The following VSIG10L variants were observed in gnomAD, a reference collection of about 807,000 sequenced individuals.
The protein encoded by VSIG10L is V-set and immunoglobulin domain-containing protein 10-like.
In VSIG10L, 63 loss-of-function variants were observed where a neutral mutation model predicts 67.3. The ratio of observed to expected loss-of-function variants is 0.94; its 90% CI spans 0.76 to 1.15. The LOEUF (loss-of-function observed/expected upper bound fraction) is 1.15, where lower values mean the gene tolerates loss of function less well. Ranked by LOEUF, VSIG10L falls within the 50% of genes most tolerant of loss-of-function variation. The pLI is 0.00. For missense variants in VSIG10L, 1,050 were observed against 1,177.5 expected, an observed-to-expected ratio of 0.89 and a Z score of 1.58; for synonymous variants, 499 against 524.9, an observed-to-expected ratio of 0.95 and a Z score of 0.67.
At chr19:51,334,981 G>A (rs1197975730) in intron 7 of VSIG10L, among the ~76,000 whole-genome samples, 1 of 152,284 alleles carries the variant, frequency 6.6e-6, no homozygotes, top group East Asian at 1.9e-4. Context: ...AAGGAACAAT[G>A]GGAAGGGATG....
Position 51,340,010 on chromosome 19 carries a change from C to T in VSIG10L, c.1474+5G>A. On this transcript the variant is annotated splice_donor_5th_base_variant and intron_variant, in intron 4 of 9. Transcript: ENST00000335624. The surrounding 1 kb of genome is among the most constrained non-coding windows in gnomAD (Gnocchi z 6.3). ...CATTCCCCTACTCCCGCTCCAGCCT[C>T]TCACCCGCCACTGTAAGGTTGAGCA... 1 of 1,394,284 alleles carries T rather than the reference C, an allele frequency of 7.2e-7. No homozygotes were observed. Among genetic ancestry groups the T allele is most frequent in the Non-Finnish European group, 9.3e-7 (1 of 1,078,476 alleles). The allele number at this position is 1,394,284 out of a possible 1,614,324, so 86.4% of individuals were successfully genotyped here.
rs1378092526 is a variant in VSIG10L, at chr19:51,341,781, C to T, written c.267G>A (p.Met89Ile). The T allele has an allele frequency of 3.9e-6, 6 of 1,551,340 alleles. No individual in the cohort carries two copies. The highest frequency in any genetic ancestry group is 3.6e-5 in the South Asian group (3 of 84,034). ...SWFPEALSSN[M>I]SGSFWSNVSA... ...AAACATTTGACCAGAAGGACCCAGA[C>T]ATGTTGGAACTCAGGGCCTCAGGAA... is the stretch of plus-strand genomic sequence containing the variant. The change falls in exon 2 of 10, where the codon ATG becomes ATA. Residue 89 changes from methionine to isoleucine, a missense_variant. Physicochemically the swap from Met to Ile is conservative, Grantham distance 10 (BLOSUM62 1). Coordinates refer to ENST00000335624, the MANE Select transcript of VSIG10L (RefSeq NM_001163922.3).
In VSIG10L at chr19:51,340,594, A is replaced by G. The variant is rs1466338016; in HGVS notation, c.1028T>C (p.Leu343Pro). The G allele has an allele frequency of 5.9e-6, 9 of 1,535,452 alleles. No homozygotes were observed. The South Asian group carries it at 8.3e-5, about 14-fold the overall frequency. The stretch of plus-strand genomic sequence containing the variant: ...GGCTCCCTCCGATTCCGCCGCCTCC[A>G]GGGCGCGTCCGTCCCGGCTCCAGCT... The part of the protein sequence containing the change: ...ELSWSRDGRA[L>P]EAAESEGAET... Residue 343 changes from leucine to proline, a missense_variant, in exon 3 of 10, where the codon CTG (leucine) becomes CCG (proline). Physicochemically the swap from Leu to Pro is moderately conservative, Grantham distance 98. This residue lies in a region of VSIG10L where 511 missense variants were observed against 557.9 expected (regional missense o/e 0.92). Coordinates refer to ENST00000335624, the MANE Select transcript of VSIG10L (RefSeq NM_001163922.3). This position sits in a 1 kb window ranked among gnomAD's most constrained non-coding sequence, Gnocchi z 6.3.
In VSIG10L at chr19:51,341,445, C is replaced by A; in HGVS notation, c.603G>T (p.Val201=). 1 of 1,539,638 alleles carries A rather than the reference C, an allele frequency of 6.5e-7. No individual in the cohort carries two copies. Among genetic ancestry groups the A allele is most frequent in the Non-Finnish European group, 8.8e-7 (1 of 1,141,052 alleles). The change falls in exon 2 of 10, where the codon GTG becomes GTT. Residue 201 remains valine, a synonymous_variant. Transcript: ENST00000335624. ...FPQQVGGPLA[V]LVGTTIRLPL... is the part of the protein sequence containing the mutation. ...GGAGCCGGATGGTGGTCCCCACCAG[C>A]ACAGCGAGTGGGCCCCCCACCTGCT... is the stretch of plus-strand genomic sequence containing the variant.
At chr19:51,337,040 A>G (rs1226035954) in intron 7 of VSIG10L, among the ~76,000 whole-genome samples, 198 bp downstream of exon 7, 1 of 152,182 alleles carries the variant, frequency 6.6e-6, no homozygotes, top group Non-Finnish European at 1.5e-5. Flanking sequence ...TGCTGGGATT[A>G]CAGGCGTGAG....
chr19:51,338,106 G>C lies in VSIG10L; in HGVS notation c.1832C>G (p.Ala611Gly). Residue 611 changes from alanine (A) to glycine (G), a missense_variant, in exon 6 of 10, where the codon GCA (alanine) becomes GGA (glycine). Coordinates refer to ENST00000335624, the MANE Select transcript of VSIG10L (RefSeq NM_001163922.3). ...GGGCCTCCCTTCCCGGGCCCAGGAT[G>C]CCCGTGAGGGTGGGGGACAACCAGA... ...EASGCPPPSR[A>G]SWAREGRPLA... 6.4e-7 allele frequency: 1 copy of C among 1,550,778 alleles called. No individual in the cohort carries two copies. Among genetic ancestry groups the C allele is most frequent in the South Asian group, 1.2e-5 (1 of 83,998 alleles).
Position 51,337,235 on chromosome 19 carries a change from C to A in VSIG10L, c.2305+3G>T. ...AAGGTCTACTCTGACAGCCCCAACT[C>A]ACCGGCCCGGTAGACCCGGCTTTGT... is the stretch of plus-strand genomic sequence containing the variant. On this transcript the variant is annotated splice_donor_region_variant and intron_variant, in intron 7 of 9. Transcript: ENST00000335624. The A allele has an allele frequency of 6.5e-7, 1 of 1,543,466 alleles. No homozygotes were observed. Among genetic ancestry groups the A allele is most frequent in the Non-Finnish European group, 8.8e-7 (1 of 1,142,156 alleles).
intron 8 of VSIG10L, 45 bp downstream of exon 8, chr19:51,334,146 C>T (rs996485373): frequency 6.5e-7 from 1 of 1,543,842 alleles, no homozygotes; most frequent in Non-Finnish European, 8.8e-7. Context: ...TCTAGGGTCC[C>T]TCCCCGTTGG....
chr19:51,332,513 G>A lies in VSIG10L; in HGVS notation c.*98C>T. 1 of 1,410,260 alleles carries A rather than the reference G, an allele frequency of 7.1e-7. No individual in the cohort carries two copies. Among genetic ancestry groups the A allele is most frequent in the Non-Finnish European group, 9.8e-7 (1 of 1,018,498 alleles). The allele number at this position is 1,410,260 out of a possible 1,614,324, so 87.4% of individuals were successfully genotyped here. On this transcript the variant is annotated 3_prime_UTR_variant, in exon 10 of 10. Transcript: ENST00000335624. ...ATAGCAGGCCCTGGCTGCTGCTGGA[G>A]TGAAATAGGAAGTTCTGGCCCAAAA...
In VSIG10L at chr19:51,340,852, C is replaced by G; in HGVS notation, c.896-126G>C. On this transcript the variant is annotated intron_variant, in intron 2 of 9. Coordinates refer to ENST00000335624, the MANE Select transcript of VSIG10L (RefSeq NM_001163922.3). This position sits in a 1 kb window ranked among gnomAD's most constrained non-coding sequence, Gnocchi z 6.3. ...GTCTCAGCCCCCATCCCTCTCCTCT[C>G]ATAAACCTATGAGTTTGAGCCCCCA... is the stretch of plus-strand genomic sequence containing the variant. 8.0e-7 allele frequency: 1 copy of G among 1,244,760 alleles called. No individual in the cohort carries two copies. The highest frequency in any genetic ancestry group is 1.8e-5 in the South Asian group (1 of 55,704). 77.1% of individuals were successfully genotyped at this position (1,244,760 alleles called of 1,614,324 possible).
At position 51,334,275 on chromosome 19, in the gene VSIG10L, C is replaced by G. The variant is rs1474786941; in HGVS notation, c.2335G>C (p.Gly779Arg). Residue 779 changes from glycine (G) to arginine (R), a missense_variant, in exon 8 of 10, where the codon GGC (glycine) becomes CGC (arginine). Physicochemically the swap from Gly to Arg is moderately radical, Grantham distance 125. This residue lies in a region of VSIG10L where 529 missense variants were observed against 584.9 expected (regional missense o/e 0.90). Coordinates refer to ENST00000335624, the MANE Select transcript of VSIG10L (RefSeq NM_001163922.3). ...CCCAGCAGGGAGCCCAGGACGATGC[C>G]AGCGATGGCCCCATGGCTCAACGTG... Reference protein sequence around the residue: ...GPTLSHGAIAGIVLGSLLGLA... With the variant: ...GPTLSHGAIARIVLGSLLGLA... 1 of 1,551,678 alleles carries G rather than the reference C, an allele frequency of 6.4e-7. No homozygotes were observed. Among genetic ancestry groups the G allele is most frequent in the Middle Eastern group, 1.7e-4 (1 of 5,992 alleles).
In VSIG10L at chr19:51,340,553, G is replaced by A; in HGVS notation, c.1069C>T (p.Arg357Cys). The A allele has an allele frequency of 2.6e-6, 4 of 1,535,758 alleles. No individual in the cohort carries two copies. Among genetic ancestry groups the A allele is most frequent in the Non-Finnish European group, 3.5e-6 (4 of 1,146,062 alleles). The change falls in exon 3 of 10, where the codon CGC (arginine) becomes TGC (cysteine). Residue 357 changes from arginine (R) to cysteine (C), a missense_variant. By Grantham distance (180) the Arg-to-Cys change is radical. This residue lies in a region of VSIG10L where 511 missense variants were observed against 557.9 expected (regional missense o/e 0.92). Coordinates refer to ENST00000335624, the MANE Select transcript of VSIG10L (RefSeq NM_001163922.3). The surrounding 1 kb of genome is among the most constrained non-coding windows in gnomAD (Gnocchi z 6.3). ...ESEGAETPRM[R>C]SEGDQLLIVR... ...ATGAGCAGCTGGTCGCCCTCTGAGC[G>A]CATCCGGGGCGTCTCGGCTCCCTCC...
chr19:51,332,426 CTCT>C lies in VSIG10L; in HGVS notation c.*182_*184del, dbSNP rs1232109948. ...CCTTACTTGCACAAATACAGGAAGACTCTTCTTCTGCAGCAAGAGAGGGAGACA... is the reference window on the plus strand; with the variant it reads ...CCTTACTTGCACAAATACAGGAAGACTCTTCTGCAGCAAGAGAGGGAGACA... On this transcript the variant is annotated 3_prime_UTR_variant, in exon 10 of 10. Transcript: ENST00000335624. 7 of 726,104 alleles carry C rather than the reference CTCT, an allele frequency of 9.6e-6. No individual in the cohort carries two copies. The East Asian group carries it at 1.1e-4, about 11-fold the overall frequency. The allele number at this position is 726,104 out of a possible 1,614,324, so 45.0% of individuals were successfully genotyped here.
In VSIG10L at chr19:51,334,284, C is replaced by T. The variant is rs1323107375; in HGVS notation, c.2326G>A (p.Ala776Thr). Residue 776 changes from alanine to threonine, a missense_variant, in exon 8 of 10, where the codon GCC becomes ACC. This residue lies in a region of VSIG10L where 529 missense variants were observed against 584.9 expected (regional missense o/e 0.90). Coordinates refer to ENST00000335624, the MANE Select transcript of VSIG10L (RefSeq NM_001163922.3). ...GAGCCCAGGACGATGCCAGCGATGG[C>T]CCCATGGCTCAACGTGGGGCCTGGA... is the stretch of plus-strand genomic sequence containing the variant. ...YRAGPTLSHG[A>T]IAGIVLGSLL... 1.9e-6 allele frequency: 3 copies of T among 1,551,688 alleles called. No individual in the cohort carries two copies. Among genetic ancestry groups the T allele is most frequent in the African/African-American group, 2.7e-5 (2 of 73,178 alleles).
In VSIG10L at chr19:51,341,799, C is replaced by T; in HGVS notation, c.249G>A (p.Glu83=). 1 of 1,551,358 alleles carries T rather than the reference C, an allele frequency of 6.4e-7. No homozygotes were observed. Among genetic ancestry groups the T allele is most frequent in the Non-Finnish European group, 8.7e-7 (1 of 1,146,908 alleles). ...AGISDSSWFP[E]ALSSNMSGSF... ...ACCCAGACATGTTGGAACTCAGGGC[C>T]TCAGGAAACCAGCTGGAATCAGAGA... Residue 83 remains glutamate (E), a synonymous_variant, in exon 2 of 10, where the codon GAG becomes GAA. Transcript: ENST00000335624.
Position 51,337,533 on chromosome 19 carries a change from T to A in VSIG10L, c.2010A>T (p.Gly670=). The A allele has an allele frequency of 5.3e-6, 8 of 1,499,422 alleles. No individual in the cohort carries two copies. The highest frequency in any genetic ancestry group is 7.2e-6 in the Non-Finnish European group (8 of 1,113,214). The allele number at this position is 1,499,422 out of a possible 1,614,324, so 92.9% of individuals were successfully genotyped here. A position where few individuals can be genotyped will look rare whatever the true frequency, so the allele number is the denominator to read the frequency against. ...GAGGDQITLI[G]PSISSWRLQR... is the part of the protein sequence containing the mutation. ...GAAGCCTCCACGAGGATATGGAGGGTCCTAGAGGGATGTGGGGGTGGCTGG... is the reference window on the plus strand; with the variant it reads ...GAAGCCTCCACGAGGATATGGAGGGACCTAGAGGGATGTGGGGGTGGCTGG... Residue 670 remains glycine, a splice_region_variant and synonymous_variant, in exon 7 of 10, where the codon GGA becomes GGT. Coordinates refer to ENST00000335624, the MANE Select transcript of VSIG10L (RefSeq NM_001163922.3).
Position 51,341,254 on chromosome 19 carries a change from T to A in VSIG10L, c.794A>T (p.Glu265Val), listed in dbSNP as rs1985628891. Residue 265 changes from glutamate to valine, a missense_variant, in exon 2 of 10, where the codon GAG (glutamate) becomes GTG (valine). Physicochemically the swap from Glu to Val is moderately radical, Grantham distance 121. Around this residue, in one of 3 missense-constraint regions of VSIG10L, gnomAD observed 511 missense variants for 557.9 expected, o/e 0.92. Coordinates refer to ENST00000335624, the MANE Select transcript of VSIG10L (RefSeq NM_001163922.3). ...LRFDQARGVL[E>V]LASAQLDDAG... is the part of the protein sequence containing the mutation. Reference sequence around the variant, plus strand: ...ATCGTCCAGCTGGGCAGAGGCGAGCTCCAGAACCCCCCGGGCCTGGTCAAA... The same window carrying A: ...ATCGTCCAGCTGGGCAGAGGCGAGCACCAGAACCCCCCGGGCCTGGTCAAA... 6.5e-7 allele frequency: 1 copy of A among 1,549,774 alleles called. No homozygotes were observed. Among genetic ancestry groups the A allele is most frequent in the African/African-American group, 1.4e-5 (1 of 72,604 alleles).
Position 51,340,022 on chromosome 19 carries a change from T to A in VSIG10L, c.1467A>T (p.Thr489=). Reference sequence around the variant, plus strand: ...CCCGCTCCAGCCTCTCACCCGCCACTGTAAGGTTGAGCAGCGAGCGGCGGC... The same window carrying A: ...CCCGCTCCAGCCTCTCACCCGCCACAGTAAGGTTGAGCAGCGAGCGGCGGC... The part of the protein sequence containing the change: ...GRRRRSLLNL[T]VADLPPGAPQ... The change falls in exon 4 of 10, where the codon ACA becomes ACT. Residue 489 remains threonine (T), a synonymous_variant. Transcript: ENST00000335624. This position sits in a 1 kb window ranked among gnomAD's most constrained non-coding sequence, Gnocchi z 6.3. 1 of 1,423,964 alleles carries A rather than the reference T, an allele frequency of 7.0e-7. No individual in the cohort carries two copies. 88.2% of individuals were successfully genotyped at this position (1,423,964 alleles called of 1,614,324 possible).
At chr19:51,332,810 C>A (rs971567153) in intron 9 of VSIG10L, among the ~76,000 whole-genome samples, 170 bp from the exon 10 acceptor site, 1 of 152,118 alleles carries the variant, frequency 6.6e-6, no homozygotes, top group East Asian at 1.9e-4. Context: ...TGGAGCGAAG[C>A]CAGCCAACAA....
Sources: gnomAD v4.1 joint callset for allele counts (sites outside exome capture counted in the v4.1 genomes callset) on GRCh38, gnomAD v4.1.1 for gene constraint, gnomAD v4.1.1 regional missense constraint, Gnocchi (gnomAD v3.1) non-coding constraint, MANE v1.5 for transcripts, NCBI Gene and HGNC (gene_info 2026-07-23, HGNC 2026-07-21) for gene names.